The following PDGFRL variants were observed in gnomAD, a reference collection of about 807,000 sequenced individuals.
PDGFRL encodes platelet-derived growth factor receptor-like protein.
In PDGFRL, 46 loss-of-function variants were observed where a neutral mutation model predicts 37.2. The ratio of observed to expected loss-of-function variants is 1.24; its 90% CI spans 0.98 to 1.58. The LOEUF (loss-of-function observed/expected upper bound fraction) is 1.58. Ranked by LOEUF, PDGFRL falls within the 40% of genes most tolerant of loss-of-function variation. The probability of loss-of-function intolerance (pLI) is 0.00; values close to 1 mark genes in which losing one functional copy is unlikely to be tolerated. For synonymous variants in PDGFRL, 251 were observed against 184.3 expected (o/e 1.36, Z -2.93); for missense variants, 692 against 467.6 (o/e 1.48, Z -4.43).
rs759523424 is a variant in PDGFRL, at chr8:17,628,586, C to T, written c.605C>T (p.Ser202Leu). 2 of 1,614,164 alleles carry T rather than the reference C, an allele frequency of 1.2e-6. No homozygotes were observed. The highest frequency in any genetic ancestry group is 8.5e-7 in the Non-Finnish European group (1 of 1,179,984). Residue 202 changes from serine (S) to leucine (L), a missense_variant, in exon 4 of 6, where the codon TCG becomes TTG. Transcript: ENST00000251630. Reference protein sequence around the residue: ...AVVPCRVTVLSAKVTLHREFP... With the variant: ...AVVPCRVTVLLAKVTLHREFP... ...GTTCCTTGTCGGGTGACCGTGCTGT[C>T]GGCCAAAGTCACGCTCCACAGGGAA...
chr8:17,597,988 A>T, intron 2 of PDGFRL, among the ~76,000 whole-genome samples: 1 of 87,900 alleles, frequency 1.1e-5, no homozygotes, highest in East Asian at 3.5e-4. Context: ...GTTCTTACCT[A>T]GTTCCCAGCT....
intron 1 of PDGFRL, among the ~76,000 whole-genome samples, chr8:17,582,216 A>T (rs1014853434): frequency 1.3e-5 from 2 of 152,150 alleles, no homozygotes; most frequent in Non-Finnish European, 2.9e-5. Flanking sequence ...CACACTTAAG[A>T]GTGATGTCCT....
At chr8:17,616,448 C>G (rs189873637) in intron 2 of PDGFRL, among the ~76,000 whole-genome samples, 1 of 151,852 alleles carries the variant, frequency 6.6e-6, no homozygotes, top group Non-Finnish European at 1.5e-5. Context: ...CCACCTCGGC[C>G]TCCCAAAATG....
rs750440858 is a variant in PDGFRL at position 17,621,145 on chromosome 8, G to C, written c.448G>C (p.Gly150Arg). The change falls in exon 3 of 6, where the codon GGC becomes CGC. Residue 150 changes from glycine to arginine, a missense_variant. By Grantham distance (125) the Gly-to-Arg change is moderately radical. Coordinates refer to ENST00000251630, the MANE Select transcript of PDGFRL (RefSeq NM_001372073.1). ...EFSCWVQLCSGYICRKDEAKT... is the reference protein window; with the variant it reads ...EFSCWVQLCSRYICRKDEAKT... ...CAGCTGCTGGGTGCAGCTCTGCAGC[G>C]GCTACATCTGCAGGAAGGACGAGGC... 1.2e-6 allele frequency: 2 copies of C among 1,610,868 alleles called. No homozygotes were observed. The highest frequency in any genetic ancestry group is 1.7e-6 in the Non-Finnish European group (2 of 1,177,538).
chr8:17,633,001 A>G (rs1052682862), intron 4 of PDGFRL, among the ~76,000 whole-genome samples: 8 of 152,128 alleles, frequency 5.3e-5, no homozygotes, highest in African/African-American at 1.4e-4. Context: ...AGCTTTTAAC[A>G]CAGCATTTTA....
intron 4 of PDGFRL, among the ~76,000 whole-genome samples, chr8:17,631,937 C>CA (rs1193080976): frequency 1.6e-4 from 24 of 152,316 alleles, no homozygotes; most frequent in African/African-American, 5.8e-4. Context: ...TGGTAACTCC[C>CA]AAGTGAACGG....
chr8:17,628,515 C>A lies in PDGFRL; in HGVS notation c.534C>A (p.Pro178=), dbSNP rs1804783395. The change falls in exon 4 of 6, where the codon CCC becomes CCA. Residue 178 remains proline (P), a synonymous_variant. Coordinates refer to ENST00000251630, the MANE Select transcript of PDGFRL (RefSeq NM_001372073.1). ...AAGGAGAACTCTTTGTACCTTCTCC[C>A]AGCTACTTCGATGTTGTCTACTTGA... The part of the protein sequence containing the change: ...TEKGELFVPS[P]SYFDVVYLNP... 1 of 1,613,812 alleles carries A rather than the reference C, an allele frequency of 6.2e-7. No homozygotes were observed. The highest frequency in any genetic ancestry group is 1.3e-5 in the African/African-American group (1 of 74,908).
intron 2 of PDGFRL, among the ~76,000 whole-genome samples, chr8:17,616,353 C>A (rs1249925159): frequency 1.3e-5 from 2 of 152,052 alleles, no homozygotes; most frequent in African/African-American, 4.8e-5. Context: ...CACCACCGCG[C>A]CCAGCTAATT....
chr8:17,582,175 T>C (rs535023717), intron 1 of PDGFRL, among the ~76,000 whole-genome samples: 1 of 152,228 alleles, frequency 6.6e-6, no homozygotes, highest in South Asian at 2.1e-4. Flanking sequence ...CTTGGCTGCA[T>C]TGTGTCCATG....
At chr8:17,621,794 G>A (rs552668067) in intron 3 of PDGFRL, among the ~76,000 whole-genome samples, 1 of 152,146 alleles carries the variant, frequency 6.6e-6, no homozygotes, top group African/African-American at 2.4e-5. Context: ...AAACTCCATA[G>A]GATGCTTCAC....
At chr8:17,580,579 T>C (rs1803685280) in intron 1 of PDGFRL, among the ~76,000 whole-genome samples, 1 of 152,076 alleles carries the variant, frequency 6.6e-6, no homozygotes, top group Admixed American at 6.5e-5. Flanking sequence ...CCTTTCTTTG[T>C]GGTGCTCAAT....
intron 5 of PDGFRL, among the ~76,000 whole-genome samples, chr8:17,638,766 TATATATATATATATATATATAA>T (rs1372066506): frequency 7.2e-5 from 9 of 125,866 alleles, no homozygotes; most frequent in African/African-American, 2.7e-4. Flanking sequence ...TATATATATA[TATATATATATATATATATATAA>T]TTGTGATATT....
intron 1 of PDGFRL, among the ~76,000 whole-genome samples, chr8:17,588,137 A>G (rs778872074): frequency 3.1e-5 from 4 of 128,564 alleles, no homozygotes; most frequent in Non-Finnish European, 5.3e-5. Flanking sequence ...TATTATCACT[A>G]TTTGCCAGCA....
intron 2 of PDGFRL, among the ~76,000 whole-genome samples, chr8:17,600,263 C>G (rs893057214): frequency 1.3e-5 from 2 of 152,266 alleles, no homozygotes; most frequent in South Asian, 4.1e-4. Context: ...CTCCATTTAG[C>G]TGAGTGAAGC....
At chr8:17,617,085 T>G (rs564396800) in intron 2 of PDGFRL, among the ~76,000 whole-genome samples, 56 of 152,314 alleles carry the variant, frequency 3.7e-4, no homozygotes, top group Non-Finnish European at 6.9e-4. Flanking sequence ...CAAGACTCTG[T>G]GTGTGTTAAG....
chr8:17,581,107 C>G (rs1803698538), intron 1 of PDGFRL, among the ~76,000 whole-genome samples: 1 of 152,048 alleles, frequency 6.6e-6, no homozygotes, highest in Non-Finnish European at 1.5e-5. Flanking sequence ...AGGACTTCAG[C>G]ATATCTTTTT....
intron 1 of PDGFRL, among the ~76,000 whole-genome samples, chr8:17,582,116 CT>C (rs1453669329): frequency 4.6e-5 from 7 of 152,224 alleles, no homozygotes; most frequent in African/African-American, 1.4e-4. Flanking sequence ...AAACAGATAA[CT>C]TATTGGGAGC....
At chr8:17,625,799 G>T (rs140525748) in intron 3 of PDGFRL, among the ~76,000 whole-genome samples, 1 of 152,026 alleles carries the variant, frequency 6.6e-6, no homozygotes. Flanking sequence ...GACCAGCCTG[G>T]GCAACATAGT....
At chr8:17,623,706 C>G (rs1804678377) in intron 3 of PDGFRL, among the ~76,000 whole-genome samples, 1 of 152,118 alleles carries the variant, frequency 6.6e-6, no homozygotes, top group South Asian at 2.1e-4. Context: ...GAAATCCCAT[C>G]TCTACAAAAA....
Sources: gnomAD v4.1 joint callset for allele counts (sites outside exome capture counted in the v4.1 genomes callset) on GRCh38, gnomAD v4.1.1 for gene constraint, MANE v1.5 for transcripts, NCBI Gene and HGNC (gene_info 2026-07-23, HGNC 2026-07-21) for gene names.